The following AGBL3 variants were observed in gnomAD, a reference collection of about 807,000 sequenced individuals.
The protein encoded by AGBL3 is cytosolic carboxypeptidase 3.
AGBL3 carries 68 observed loss-of-function variants against 94.5 expected under a neutral mutation model. The observed-to-expected ratio is 0.72, with a 90% confidence interval of 0.59 to 0.88. The LOEUF is 0.88. AGBL3 is among the 40% of genes least tolerant of loss of function. The probability of loss-of-function intolerance (pLI) is 0.00; values close to 1 mark genes in which losing one functional copy is unlikely to be tolerated. For missense variants in AGBL3, 934 were observed against 1,103.8 expected (o/e 0.85, Z 2.18); for synonymous variants, 354 against 370.7 (o/e 0.95, Z 0.52).
At chr7:135,119,355 G>A (rs368851945) in intron 16 of AGBL3, among the ~76,000 whole-genome samples, 1 of 149,738 alleles carries the variant, frequency 6.7e-6, no homozygotes, top group Non-Finnish European at 1.5e-5. Flanking sequence ...TCAGCCTTCC[G>A]AGTAGCTGGG....
At chr7:135,090,205 A>G (rs1331020394) in intron 15 of AGBL3, among the ~76,000 whole-genome samples, 1 of 152,118 alleles carries the variant, frequency 6.6e-6, no homozygotes, top group East Asian at 1.9e-4. Flanking sequence ...GAGGGTCAGT[A>G]TATCACAGAC....
At chr7:134,999,410 T>C (rs1360467650) in intron 4 of AGBL3, among the ~76,000 whole-genome samples, 2 of 152,164 alleles carry the variant, frequency 1.3e-5, no homozygotes, top group African/African-American at 2.4e-5. Flanking sequence ...TCTTGAAGCA[T>C]TTATTTGTAT....
At chr7:135,115,346 T>C in intron 15 of AGBL3, 34 bp from the exon 16 acceptor site, 1 of 1,357,572 alleles carries the variant, frequency 7.4e-7, no homozygotes. Flanking sequence ...ATAGAGTTCA[T>C]ATCTCTGTAC....
chr7:135,066,658 A>G (rs535458916), intron 12 of AGBL3, among the ~76,000 whole-genome samples: 2 of 152,372 alleles, frequency 1.3e-5, no homozygotes, highest in Admixed American at 6.5e-5. Context: ...AAGAGATATT[A>G]GCATTCCCAT....
intron 12 of AGBL3, among the ~76,000 whole-genome samples, chr7:135,066,479 G>A (rs1345839058): frequency 1.3e-5 from 2 of 152,174 alleles, no homozygotes; most frequent in Non-Finnish European, 2.9e-5. Context: ...TGTTTGCAAG[G>A]ATGTGGAGAA....
At chr7:135,128,451 A>C in intron 16 of AGBL3, 1 of 729,088 alleles carries the variant, frequency 1.4e-6, no homozygotes, top group Non-Finnish European at 2.6e-6. Flanking sequence ...AAATGTCAGA[A>C]GACCAAGAAG....
chr7:135,107,143 AT>A (rs397720313), intron 15 of AGBL3, among the ~76,000 whole-genome samples: 2 of 150,228 alleles, frequency 1.3e-5, no homozygotes, highest in African/African-American at 2.5e-5. Flanking sequence ...TATATTATTG[AT>A]TTTTTTTTCA....
chr7:135,131,631 C>G (rs1401786123), intron 16 of AGBL3, among the ~76,000 whole-genome samples: 1 of 151,720 alleles, frequency 6.6e-6, no homozygotes, highest in Non-Finnish European at 1.5e-5. Flanking sequence ...AATCTAAGCT[C>G]CCACCTCAGG....
chr7:135,095,610 C>T (rs914231649), intron 15 of AGBL3, among the ~76,000 whole-genome samples: 2 of 152,090 alleles, frequency 1.3e-5, no homozygotes, highest in East Asian at 1.9e-4. Context: ...AATACAAAAG[C>T]CATATGTTAT....
intron 15 of AGBL3, among the ~76,000 whole-genome samples, chr7:135,087,879 C>T (rs1821453096): frequency 6.6e-6 from 1 of 151,908 alleles, no homozygotes; most frequent in Non-Finnish European, 1.5e-5. Flanking sequence ...TTTTTATTTT[C>T]TGACTAGATG....
At chr7:134,992,365 C>T (rs868621285) in intron 3 of AGBL3, among the ~76,000 whole-genome samples, 72 of 152,352 alleles carry the variant, frequency 4.7e-4, no homozygotes, top group African/African-American at 1.7e-3. Context: ...ACCACCCTAT[C>T]TAAAATAGCA....
intron 4 of AGBL3, among the ~76,000 whole-genome samples, chr7:134,996,200 T>C (rs1297676824): frequency 6.6e-6 from 1 of 152,158 alleles, no homozygotes; most frequent in Non-Finnish European, 1.5e-5. Context: ...TCCAGGGGCC[T>C]TATTCACACA....
At chr7:135,113,246 A>G (rs1825886495) in intron 15 of AGBL3, among the ~76,000 whole-genome samples, 1 of 152,226 alleles carries the variant, frequency 6.6e-6, no homozygotes, top group Non-Finnish European at 1.5e-5. Context: ...TTTTAAGAAT[A>G]GATAATTTCT....
intron 15 of AGBL3, among the ~76,000 whole-genome samples, chr7:135,091,147 G>A (rs904753106): frequency 1.9e-4 from 29 of 152,146 alleles, no homozygotes; most frequent in Admixed American, 1.5e-3. Context: ...CCAGCTGACC[G>A]TGGTTGGAGG....
At chr7:134,992,045 TAGTG>T (rs1323640292) in intron 3 of AGBL3, among the ~76,000 whole-genome samples, 2 of 152,250 alleles carry the variant, frequency 1.3e-5, no homozygotes, top group Admixed American at 6.5e-5. Context: ...TAGTTGGAAT[TAGTG>T]AGAGAGAAGG....
intron 9 of AGBL3, among the ~76,000 whole-genome samples, chr7:135,044,374 A>G (rs1253702037): frequency 6.6e-6 from 1 of 152,080 alleles, no homozygotes; most frequent in African/African-American, 2.4e-5. Context: ...TAAACAGAAT[A>G]CTCTAATTGG....
At chr7:135,065,911 G>A (rs747630320) in intron 12 of AGBL3, among the ~76,000 whole-genome samples, 2 of 151,968 alleles carry the variant, frequency 1.3e-5, no homozygotes, top group African/African-American at 2.4e-5. Flanking sequence ...AAATGGTGTT[G>A]GGAAACTGGA....
chr7:135,094,254 G>C lies in AGBL3; in HGVS notation c.2110+12464G>C, dbSNP rs569547604. 777 of 390,396 alleles carry C rather than the reference G, an allele frequency of 2.0e-3. 14 individuals are homozygous for C. Among genetic ancestry groups the C allele is most frequent in the South Asian group, 0.012 (613 of 51,832 alleles). The allele number at this position is 390,396 out of a possible 1,614,324, so 24.2% of individuals were successfully genotyped here. A position where few individuals can be genotyped will look rare whatever the true frequency, so the allele number is the denominator to read the frequency against. On this transcript the variant is annotated intron_variant, in intron 15 of 16. Coordinates refer to ENST00000436302, the MANE Select transcript of AGBL3 (RefSeq NM_178563.4). The stretch of plus-strand genomic sequence containing the variant: ...TTCCTGTCCTTACAACAACAAAAAA[G>C]CTGAACAAACTAAAAATCAGCAACT...
At chr7:135,075,624 A>G (rs191734487) in intron 12 of AGBL3, among the ~76,000 whole-genome samples, 146 of 152,348 alleles carry the variant, frequency 9.6e-4, no homozygotes, top group African/African-American at 3.4e-3. Context: ...TAGTTATGGT[A>G]CATACATGTT....
Sources: gnomAD v4.1 joint callset for allele counts (sites outside exome capture counted in the v4.1 genomes callset) on GRCh38, gnomAD v4.1.1 for gene constraint, MANE v1.5 for transcripts, NCBI Gene and HGNC (gene_info 2026-07-23, HGNC 2026-07-21) for gene names.